The following GRM5 variants were observed in gnomAD, a reference collection of about 807,000 sequenced individuals.
GRM5 encodes metabotropic glutamate receptor 5.
A neutral mutation model predicts 83.1 loss-of-function variants in GRM5; 19 were observed. The ratio of observed to expected loss-of-function variants is 0.23; its 90% CI spans 0.16 to 0.34. The LOEUF is 0.34. Among genes scored for constraint, GRM5 ranks in the 10% least tolerant of loss-of-function variants. The pLI is 1.00. For missense variants in GRM5, 1,160 were observed against 1,588.3 expected, an observed-to-expected ratio of 0.73 and a Z score of 4.58; for synonymous variants, 675 against 633.6, an observed-to-expected ratio of 1.07 and a Z score of -0.98.
intron 3 of GRM5, among the ~76,000 whole-genome samples, chr11:88,712,513 T>C (rs955947530): frequency 6.6e-6 from 1 of 151,968 alleles, no homozygotes; most frequent in Non-Finnish European, 1.5e-5. Context: ...TGAAATTGAG[T>C]CTGAAAGTGT....
At chr11:88,724,664 A>G (rs1941633535) in intron 3 of GRM5, among the ~76,000 whole-genome samples, 1 of 152,120 alleles carries the variant, frequency 6.6e-6, no homozygotes, top group Admixed American at 6.6e-5. Flanking sequence ...TCCCAGTGAG[A>G]TCAATGCAGG....
At chr11:88,857,646 G>T (rs1191817269) in intron 2 of GRM5, among the ~76,000 whole-genome samples, 1 of 152,050 alleles carries the variant, frequency 6.6e-6, no homozygotes. Flanking sequence ...ATGTGCAATG[G>T]ATGTGGCATT....
At position 89,047,167 on chromosome 11, in the gene GRM5, T is replaced by G; in HGVS notation, c.661+45A>C. 1.4e-6 allele frequency: 2 copies of G among 1,393,478 alleles called. No individual in the cohort carries two copies. Among genetic ancestry groups the G allele is most frequent in the Non-Finnish European group, 9.9e-7 (1 of 1,011,442 alleles). 86.3% of individuals were successfully genotyped at this position (1,393,478 alleles called of 1,614,324 possible). ...TTCCCAAACCTGAAATTGTAACTGT[T>G]GAGTGCATAATAATATATACTCGAT... On this transcript the variant is annotated intron_variant, in intron 2 of 9. Coordinates refer to ENST00000305447, the MANE Select transcript of GRM5 (RefSeq NM_001143831.3). The surrounding 1 kb of genome is among the most constrained non-coding windows in gnomAD (Gnocchi z 5.1).
At chr11:88,630,088 G>C (rs1178912790) in intron 4 of GRM5, among the ~76,000 whole-genome samples, 1 of 152,052 alleles carries the variant, frequency 6.6e-6, no homozygotes, top group Non-Finnish European at 1.5e-5. Context: ...TTAACGACTT[G>C]GGTCACACCT....
At chr11:88,987,067 C>T (rs648826) in intron 2 of GRM5, among the ~76,000 whole-genome samples, 66,304 of 151,580 alleles carry the variant, frequency 0.44, 15,929 homozygotes, top group South Asian at 0.65. Context: ...AGGCAGAAGA[C>T]GGGTGATTTC....
intron 5 of GRM5, among the ~76,000 whole-genome samples, chr11:88,601,161 C>T (rs563455094): frequency 6.6e-6 from 1 of 152,260 alleles, no homozygotes; most frequent in South Asian, 2.1e-4. Context: ...ACTATGCAAC[C>T]TTGGACATGT....
chr11:88,932,470 A>G (rs1305342968), intron 2 of GRM5, among the ~76,000 whole-genome samples: 2 of 151,960 alleles, frequency 1.3e-5, no homozygotes, highest in African/African-American at 4.8e-5. Flanking sequence ...AATATGTGTA[A>G]GTGATGCTTA....
At chr11:88,668,239 G>A (rs1037226216) in intron 3 of GRM5, among the ~76,000 whole-genome samples, 5 of 91,628 alleles carry the variant, frequency 5.5e-5, no homozygotes, top group African/African-American at 1.9e-4. Context: ...CACAAAGACA[G>A]AATAATTTTA....
chr11:88,974,583 G>C (rs1198512533), intron 2 of GRM5, among the ~76,000 whole-genome samples: 1 of 152,102 alleles, frequency 6.6e-6, no homozygotes, highest in Admixed American at 6.6e-5. Context: ...AGCTTTATTA[G>C]AGCATAGTCC....
intron 4 of GRM5, among the ~76,000 whole-genome samples, chr11:88,637,383 G>A (rs867892171): frequency 6.6e-5 from 10 of 151,648 alleles, no homozygotes; most frequent in African/African-American, 2.4e-4. Flanking sequence ...CAAAATGGGA[G>A]AAAATTTTCG....
intron 2 of GRM5, chr11:88,984,830 A>G (rs771453293): frequency 5.4e-6 from 4 of 739,366 alleles, no homozygotes; most frequent in Non-Finnish European, 7.6e-6. Flanking sequence ...ATCATATACT[A>G]AAGAATCATT....
chr11:88,872,695 G>C (rs1325216214), intron 2 of GRM5, among the ~76,000 whole-genome samples: 2 of 151,188 alleles, frequency 1.3e-5, no homozygotes, highest in Non-Finnish European at 3.0e-5. Flanking sequence ...GGAATTTAGA[G>C]AGGGAAAACA....
At chr11:88,569,337 C>A (rs1216397293) in intron 7 of GRM5, among the ~76,000 whole-genome samples, 1 of 152,192 alleles carries the variant, frequency 6.6e-6, no homozygotes, top group Non-Finnish European at 1.5e-5. Flanking sequence ...TAATCTGGAG[C>A]ATTGGGCATT....
rs570452578 is a variant in GRM5 at position 88,969,359 on chromosome 11, G to T, written c.661+77853C>A. Reference sequence around the variant, plus strand: ...TTTTATACCCCAAACTAAACCTTCTGCAGGTAGTTTTAGGTACCAAATTAC... The same window carrying T: ...TTTTATACCCCAAACTAAACCTTCTTCAGGTAGTTTTAGGTACCAAATTAC... On this transcript the variant is annotated intron_variant, in intron 2 of 9. Transcript: ENST00000305447. 1.8e-3 allele frequency among the ~76,000 whole-genome samples: 271 copies of T among 152,028 alleles called. 2 individuals are homozygous for T. The highest frequency in any genetic ancestry group is 0.014 in the Middle Eastern group (4 of 294).
intron 1 of GRM5, among the ~76,000 whole-genome samples, chr11:89,061,798 A>C: frequency 6.6e-6 from 1 of 152,354 alleles, no homozygotes; most frequent in East Asian, 1.9e-4. Flanking sequence ...ACATCCTTTC[A>C]TAAGTGAACA....
At chr11:88,944,671 C>T (rs1392084524) in intron 2 of GRM5, among the ~76,000 whole-genome samples, 1 of 151,690 alleles carries the variant, frequency 6.6e-6, no homozygotes, top group African/African-American at 2.4e-5. Context: ...CACTGGATTA[C>T]AAAGGGCTTA....
chr11:88,634,271 A>G (rs1035075682), intron 4 of GRM5, among the ~76,000 whole-genome samples: 2 of 152,152 alleles, frequency 1.3e-5, no homozygotes, highest in African/African-American at 4.8e-5. Context: ...GGCTACACTA[A>G]ATTTATAAAA....
chr11:88,541,802 C>T (rs1432093834), intron 8 of GRM5, among the ~76,000 whole-genome samples: 1 of 152,160 alleles, frequency 6.6e-6, no homozygotes, highest in Non-Finnish European at 1.5e-5. Context: ...TCTGTCCCCA[C>T]TCAAATCTCA....
chr11:88,804,592 C>T (rs573096119), intron 3 of GRM5, among the ~76,000 whole-genome samples: 3 of 151,700 alleles, frequency 2.0e-5, no homozygotes, highest in Admixed American at 6.6e-5. Context: ...TGCTAAATGA[C>T]GAGTTAATGG....
Sources: allele counts gnomAD v4.1 joint callset (sites outside exome capture counted in the v4.1 genomes callset), GRCh38; gene constraint gnomAD v4.1.1; non-coding constraint Gnocchi (gnomAD v3.1); transcripts MANE v1.5; gene names NCBI Gene and HGNC (gene_info 2026-07-23, HGNC 2026-07-21).